The following PHF19 variants were observed in gnomAD, a reference collection of about 807,000 sequenced individuals.
PHF19 encodes polycomb like 3.
A neutral mutation model predicts 79.8 loss-of-function variants in PHF19; 21 were observed. The observed-to-expected ratio is 0.26, with a 90% CI of 0.19 to 0.38. The LOEUF is 0.38. PHF19 is among the 10% of genes least tolerant of loss of function. The probability of loss-of-function intolerance (pLI) is 1.00; values close to 1 mark genes in which losing one functional copy is unlikely to be tolerated. For missense variants in PHF19, 445 were observed against 744.2 expected (o/e 0.60, Z 4.68); for synonymous variants, 273 against 296.3 (o/e 0.92, Z 0.81).
In PHF19 at chr9:120,866,767, C is replaced by T. The variant is rs950436736; in HGVS notation, c.710+103G>A. 1 of 718,014 alleles carries T rather than the reference C, an allele frequency of 1.4e-6. No individual in the cohort carries two copies. Among genetic ancestry groups the T allele is most frequent in the African/African-American group, 1.7e-5 (1 of 58,040 alleles). The allele number at this position is 718,014 out of a possible 1,614,324, so 44.5% of individuals were successfully genotyped here. A position where few individuals can be genotyped will look rare whatever the true frequency, so the allele number is the denominator to read the frequency against. On this transcript the variant is annotated intron_variant, in intron 7 of 14. Transcript: ENST00000373896. The surrounding 1 kb of genome is among the most constrained non-coding windows in gnomAD (Gnocchi z 5.2). ...GGTAGGCATACATTGTCACAGACCT[C>T]CTCTTGTCTGGAGCCTGGCAGTCAA...
At chr9:120,898,592 G>A (rs955153429), upstream of PHF19, among the ~76,000 whole-genome samples, 3 of 152,206 alleles carry the variant, frequency 2.0e-5, no homozygotes, top group Non-Finnish European at 2.9e-5. Flanking sequence ...AAAACTGGAT[G>A]TCACAGCTGA....
the PHF19 span, among the ~76,000 whole-genome samples, chr9:120,901,694 C>T: frequency 6.6e-6 from 1 of 152,144 alleles, no homozygotes; most frequent in African/African-American, 2.4e-5. Flanking sequence ...AGGAGTGCAC[C>T]TTATGGCCAG....
rs1462316750 is a variant in PHF19 at position 120,856,566 on chromosome 9, C to G, written c.*1378G>C. ...CAGTTTCTAATATCTCTGGAAGCAG[C>G]AAAACATCAGGGGTCCTCTTCCCCC... is the stretch of plus-strand genomic sequence containing the variant. On this transcript the variant is annotated 3_prime_UTR_variant, in exon 15 of 15. Coordinates refer to ENST00000373896, the MANE Select transcript of PHF19 (RefSeq NM_015651.3). 1 of 152,258 alleles carries G rather than the reference C, an allele frequency of 6.6e-6. No homozygotes were observed. Among genetic ancestry groups the G allele is most frequent in the Admixed American group, 6.5e-5 (1 of 15,284 alleles). 9.4% of individuals were successfully genotyped at this position (152,258 alleles called of 1,614,324 possible).
intron 6 of PHF19, among the ~76,000 whole-genome samples, chr9:120,867,848 C>G (rs144736251): frequency 4.6e-5 from 7 of 152,130 alleles, no homozygotes; most frequent in Admixed American, 2.0e-4. Flanking sequence ...GGGCAGAGAC[C>G]CTCCCTCTTA....
chr9:120,881,776 A>G (rs913340337), upstream of PHF19, among the ~76,000 whole-genome samples: 1 of 151,808 alleles, frequency 6.6e-6, no homozygotes, highest in Non-Finnish European at 1.5e-5. Context: ...TTGTTTGTTT[A>G]TTTGAGATGA....
At chr9:120,882,842 C>CAAAA (rs35003037) in intron 1 of PHF19, among the ~76,000 whole-genome samples, 2 of 109,684 alleles carry the variant, frequency 1.8e-5, no homozygotes, top group East Asian at 2.6e-4. Flanking sequence ...AACTCCATCT[C>CAAAA]AAAAAAAAAA....
At chr9:120,861,562 G>C (rs1355530652) in intron 12 of PHF19, among the ~76,000 whole-genome samples, 1 of 152,154 alleles carries the variant, frequency 6.6e-6, no homozygotes, top group Admixed American at 6.5e-5. Context: ...GAGGTGGTGG[G>C]GTTACTGAAG....
chr9:120,876,886 C>G, intron 1 of PHF19: 1 of 646,818 alleles, frequency 1.5e-6, no homozygotes, highest in South Asian at 6.9e-5. Context: ...CCATGCCCCC[C>G]GGGGCTCGGG....
At chr9:120,871,160 C>G (rs1012564431) in intron 3 of PHF19, among the ~76,000 whole-genome samples, 1 of 152,196 alleles carries the variant, frequency 6.6e-6, no homozygotes, top group African/African-American at 2.4e-5. Flanking sequence ...GCCTTGGCCT[C>G]TCAAAGTTCT....
intron 6 of PHF19, chr9:120,868,683 C>A: frequency 2.8e-6 from 1 of 351,568 alleles, no homozygotes; most frequent in Non-Finnish European, 4.0e-6. Flanking sequence ...TCGGGCCCCA[C>A]CCCGAGCCCT....
upstream of PHF19, among the ~76,000 whole-genome samples, chr9:120,899,369 G>A (rs1376023351): frequency 1.3e-5 from 2 of 151,476 alleles, no homozygotes; most frequent in Non-Finnish European, 2.9e-5. Context: ...GGTGGTGGGC[G>A]CCTGTAGTCC....
At position 120,857,013 on chromosome 9, in the gene PHF19, CAT is replaced by C. The variant is rs1328853897; in HGVS notation, c.*929_*930del. On this transcript the variant is annotated 3_prime_UTR_variant, in exon 15 of 15. Transcript: ENST00000373896. ...CATGCCTAGAGCTGAAAGTACAACA[CAT>C]GTGGATGGAAGCTTGTGCGAGTGGG... 2 of 152,770 alleles carry C rather than the reference CAT, an allele frequency of 1.3e-5. No individual in the cohort carries two copies. Among genetic ancestry groups the C allele is most frequent in the Non-Finnish European group, 2.9e-5 (2 of 68,396 alleles). 9.5% of individuals were successfully genotyped at this position (152,770 alleles called of 1,614,324 possible). A position where few individuals can be genotyped will look rare whatever the true frequency, so the allele number is the denominator to read the frequency against.
Position 120,858,254 on chromosome 9 carries a change from G to T in PHF19, c.1433C>A (p.Ala478Glu). The T allele has an allele frequency of 6.5e-7, 1 of 1,543,726 alleles. No homozygotes were observed. Among genetic ancestry groups the T allele is most frequent in the Non-Finnish European group, 8.8e-7 (1 of 1,140,384 alleles). ...WTVGSRKRKL[A>E]AKAYMPLRAK... ...CCGCAGGGGCATGTATGCCTTGGCT[G>T]CCAGCTTCCTCTTTCGGCTGCCCAC... The change falls in exon 15 of 15, where the codon GCA (alanine) becomes GAA (glutamate). Residue 478 changes from alanine to glutamate, a missense_variant. Physicochemically the swap from Ala to Glu is moderately radical, Grantham distance 107. Coordinates refer to ENST00000373896, the MANE Select transcript of PHF19 (RefSeq NM_015651.3).
upstream of PHF19, among the ~76,000 whole-genome samples, chr9:120,898,382 G>T (rs986507198): frequency 2.6e-5 from 4 of 152,226 alleles, no homozygotes; most frequent in Non-Finnish European, 5.9e-5. Flanking sequence ...CTCCCAAAGT[G>T]CTGGGATTAC....
At position 120,860,945 on chromosome 9, in the gene PHF19, G is replaced by C; in HGVS notation, c.1304+144C>G. On this transcript the variant is annotated intron_variant, in intron 13 of 14. Transcript: ENST00000373896. This position sits in a 1 kb window ranked among gnomAD's most constrained non-coding sequence, Gnocchi z 4.1. ...AGGGCTGTGGTGCTCTGGGAACAGG[G>C]ATGTTATGCTGAAAGCTCTACTGCA... The C allele has an allele frequency of 3.1e-6, 2 of 642,582 alleles. No individual in the cohort carries two copies. Among genetic ancestry groups the C allele is most frequent in the Non-Finnish European group, 5.7e-6 (2 of 349,760 alleles). The allele number at this position is 642,582 out of a possible 1,614,324, so 39.8% of individuals were successfully genotyped here. A position where few individuals can be genotyped will look rare whatever the true frequency, so the allele number is the denominator to read the frequency against.
At chr9:120,890,353 G>T (rs2046325948) in intron 1 of PHF19, among the ~76,000 whole-genome samples, 1 of 148,528 alleles carries the variant, frequency 6.7e-6, no homozygotes, top group South Asian at 2.1e-4. Context: ...ACTTGTCTCA[G>T]GGAGAGTTTA....
chr9:120,878,652 C>T (rs2046129933), upstream of PHF19, among the ~76,000 whole-genome samples: 1 of 152,200 alleles, frequency 6.6e-6, no homozygotes, highest in Non-Finnish European at 1.5e-5. Flanking sequence ...CACCTCCTTC[C>T]TCACTTCCTT....
chr9:120,882,733 T>C (rs866013165), intron 1 of PHF19, among the ~76,000 whole-genome samples: 2 of 151,576 alleles, frequency 1.3e-5, no homozygotes, highest in African/African-American at 2.4e-5. Flanking sequence ...TCCCAGCTAC[T>C]TGGGAGGCTG....
upstream of PHF19, among the ~76,000 whole-genome samples, chr9:120,895,829 T>A (rs2046396903): frequency 6.6e-6 from 1 of 152,138 alleles, no homozygotes; most frequent in Non-Finnish European, 1.5e-5. Context: ...ATTTTTGTAT[T>A]TTTAGTAGAG....
Sources: allele counts gnomAD v4.1 joint callset (sites outside exome capture counted in the v4.1 genomes callset), GRCh38; gene constraint gnomAD v4.1.1; non-coding constraint Gnocchi (gnomAD v3.1); transcripts MANE v1.5; gene names NCBI Gene and HGNC (gene_info 2026-07-23, HGNC 2026-07-21).